The following TMEM38B variants were observed in gnomAD, a reference collection of about 807,000 sequenced individuals.
TMEM38B encodes transmembrane protein 38B.
TMEM38B carries 24 observed loss-of-function variants against 28.7 expected under a neutral mutation model. The ratio of observed to expected loss-of-function variants is 0.84; its 90% CI spans 0.61 to 1.18. The LOEUF is 1.18. TMEM38B is among the 50% of genes most tolerant of loss of function. The probability of loss-of-function intolerance (pLI) is 0.00; values close to 1 mark genes in which losing one functional copy is unlikely to be tolerated. For missense variants in TMEM38B, 380 were observed against 350.9 expected, an observed-to-expected ratio of 1.08 and a Z score of -0.66; for synonymous variants, 131 against 127.7, an observed-to-expected ratio of 1.03 and a Z score of -0.17.
chr9:105,734,976 T>A (rs1352634360), intron 4 of TMEM38B, among the ~76,000 whole-genome samples: 1 of 152,096 alleles, frequency 6.6e-6, no homozygotes, highest in Non-Finnish European at 1.5e-5. Context: ...TTAATTGTTT[T>A]CTGTTTATTT....
intron 4 of TMEM38B, among the ~76,000 whole-genome samples, chr9:105,723,039 A>G (rs1836378990): frequency 6.6e-6 from 1 of 152,176 alleles, no homozygotes; most frequent in South Asian, 2.1e-4. Context: ...TGATAGTAAA[A>G]TGTTAAGTTT....
At chr9:105,706,033 T>C (rs1835650053) in intron 2 of TMEM38B, among the ~76,000 whole-genome samples, 1 of 151,864 alleles carries the variant, frequency 6.6e-6, no homozygotes, top group African/African-American at 2.4e-5. Context: ...CTGGAGTAGC[T>C]GGAATTACAG....
At chr9:105,702,690 ATTTAT>A (rs1835500334) in intron 1 of TMEM38B, 1 of 151,804 alleles carries the variant, frequency 6.6e-6, no homozygotes, top group Non-Finnish European at 1.5e-5. Context: ...TTATTTATTT[ATTTAT>A]TTTTGATACA....
At chr9:105,755,923 A>G (rs1054713285) in intron 5 of TMEM38B, among the ~76,000 whole-genome samples, 7 of 152,174 alleles carry the variant, frequency 4.6e-5, no homozygotes, top group African/African-American at 1.4e-4. Flanking sequence ...ATTAGTTCTA[A>G]TAGATGTTTT....
chr9:105,753,620 G>C (rs1269594260), intron 5 of TMEM38B, among the ~76,000 whole-genome samples: 1 of 152,088 alleles, frequency 6.6e-6, no homozygotes, highest in Non-Finnish European at 1.5e-5. Flanking sequence ...AAATGCCGAG[G>C]GAATTCATGA....
In TMEM38B at chr9:105,748,172, C is replaced by G. The variant is rs751488838; in HGVS notation, c.642C>G (p.Ile214Met). The G allele has an allele frequency of 6.2e-7, 1 of 1,611,174 alleles. No individual in the cohort carries two copies. Among genetic ancestry groups the G allele is most frequent in the Non-Finnish European group, 8.5e-7 (1 of 1,177,782 alleles). The stretch of plus-strand genomic sequence containing the variant: ...ATAATCTTATGTTCCTTTATACCAT[C>G]TTTATTGTGGCCACAAAGGTAAGAA... The part of the protein sequence containing the change: ...SKHNLMFLYT[I>M]FIVATKITMM... Residue 214 changes from isoleucine to methionine, a missense_variant, in exon 5 of 6, where the codon ATC (isoleucine) becomes ATG (methionine). Coordinates refer to ENST00000374692, the MANE Select transcript of TMEM38B (RefSeq NM_018112.3).
At chr9:105,726,714 A>G (rs752569287) in intron 4 of TMEM38B, among the ~76,000 whole-genome samples, 13 of 152,142 alleles carry the variant, frequency 8.5e-5, no homozygotes, top group Non-Finnish European at 1.3e-4. Context: ...TGCAATCTCT[A>G]TCTTTTAATT....
chr9:105,745,950 T>C (rs1383854946), intron 4 of TMEM38B, among the ~76,000 whole-genome samples: 1 of 152,188 alleles, frequency 6.6e-6, no homozygotes, highest in Non-Finnish European at 1.5e-5. Context: ...ATCTCTGTTT[T>C]GGTACCAGTA....
chr9:105,722,803 G>A (rs965284535), intron 4 of TMEM38B, among the ~76,000 whole-genome samples, 182 bp downstream of exon 4: 1 of 152,086 alleles, frequency 6.6e-6, no homozygotes, highest in Non-Finnish European at 1.5e-5. Context: ...TTTCTCAAAT[G>A]TAGTTTAAAA....
At chr9:105,752,222 A>T (rs1837680529) in intron 5 of TMEM38B, among the ~76,000 whole-genome samples, 1 of 151,854 alleles carries the variant, frequency 6.6e-6, no homozygotes, top group Non-Finnish European at 1.5e-5. Flanking sequence ...CATCTCTGTG[A>T]CTCAGTTGAC....
At chr9:105,697,620 T>C (rs1835333166) in intron 1 of TMEM38B, among the ~76,000 whole-genome samples, 1 of 152,222 alleles carries the variant, frequency 6.6e-6, no homozygotes. Context: ...TATTGTCTTC[T>C]ATTTACTGTC....
At chr9:105,724,101 G>C (rs750155310) in intron 4 of TMEM38B, among the ~76,000 whole-genome samples, 69 of 152,150 alleles carry the variant, frequency 4.5e-4, no homozygotes, top group Non-Finnish European at 9.1e-4. Context: ...CTCCCAAAGT[G>C]CTGGGATTAC....
At position 105,725,086 on chromosome 9, in the gene TMEM38B, A is replaced by G. The variant is rs114257142; in HGVS notation, c.542+2465A>G. 9.3e-3 allele frequency among the ~76,000 whole-genome samples: 1,413 copies of G among 152,202 alleles called. 15 individuals carry two copies. Among genetic ancestry groups the G allele is most frequent in the African/African-American group, 0.032 (1,320 of 41,514 alleles). On this transcript the variant is annotated intron_variant, in intron 4 of 5. Transcript: ENST00000374692. ...GCACTAGCTTTTGTCACTACCTAGAACGATTTTTCTTAGATGGCTAACTCC... is the reference window on the plus strand; with the variant it reads ...GCACTAGCTTTTGTCACTACCTAGAGCGATTTTTCTTAGATGGCTAACTCC...
chr9:105,772,936 C>T (rs1826603758), intron 5 of TMEM38B, among the ~76,000 whole-genome samples: 1 of 151,956 alleles, frequency 6.6e-6, no homozygotes, highest in Non-Finnish European at 1.5e-5. Context: ...TTTCTTCCAC[C>T]TCCCCACACT....
intron 5 of TMEM38B, among the ~76,000 whole-genome samples, chr9:105,764,200 C>T (rs1166374973): frequency 6.6e-6 from 1 of 151,944 alleles, no homozygotes; most frequent in African/African-American, 2.4e-5. Flanking sequence ...CTCACCACTC[C>T]TATTCAACAT....
chr9:105,710,806 G>T (rs776802665), intron 2 of TMEM38B: 1 of 437,728 alleles, frequency 2.3e-6, no homozygotes. Context: ...TCCACTGGGT[G>T]CACTAACGGG....
At chr9:105,736,055 GTTT>G (rs59000736) in intron 4 of TMEM38B, among the ~76,000 whole-genome samples, 1 of 135,732 alleles carries the variant, frequency 7.4e-6, no homozygotes, top group Non-Finnish European at 1.6e-5. Flanking sequence ...CATTTTTTTT[GTTT>G]TTTTTTTTTT....
intron 4 of TMEM38B, among the ~76,000 whole-genome samples, chr9:105,731,158 G>T (rs143790092): frequency 1.3e-5 from 2 of 151,814 alleles, no homozygotes; most frequent in African/African-American, 4.8e-5. Flanking sequence ...TGTGATCTTA[G>T]GGTGTTGATT....
At position 105,713,010 on chromosome 9, in the gene TMEM38B, G is replaced by A. The variant is rs529551407; in HGVS notation, c.269+7257G>A. Among the ~76,000 whole-genome samples the A allele has an allele frequency of 3.3e-5, 5 of 152,360 alleles. No individual in the cohort carries two copies. The East Asian group carries it at 7.7e-4, about 24-fold the overall frequency. On this transcript the variant is annotated intron_variant, in intron 2 of 5. Coordinates refer to ENST00000374692, the MANE Select transcript of TMEM38B (RefSeq NM_018112.3). Reference sequence around the variant, plus strand: ...CTGGAGCCCCCACCCTAGGCTGTGAGGGGACTTGGCCCAGTGCCATGCACC... The same window carrying A: ...CTGGAGCCCCCACCCTAGGCTGTGAAGGGACTTGGCCCAGTGCCATGCACC...
Sources: allele counts gnomAD v4.1 joint callset (sites outside exome capture counted in the v4.1 genomes callset), GRCh38; gene constraint gnomAD v4.1.1; transcripts MANE v1.5; gene names NCBI Gene and HGNC (gene_info 2026-07-23, HGNC 2026-07-21).